TMC3: variants seen among roughly 807,000 people sequenced by gnomAD.
TMC3 encodes the protein transmembrane channel-like protein 3.
Under a neutral mutation model 110.6 loss-of-function variants are expected in TMC3, and 98 were observed. The ratio of observed to expected loss-of-function variants is 0.89; its 90% CI spans 0.75 to 1.05. The LOEUF (loss-of-function observed/expected upper bound fraction) is 1.05. TMC3 is among the 50% of genes least tolerant of loss of function. TMC3 has a pLI of 0.00. For synonymous variants in TMC3, 489 were observed against 513.1 expected (o/e 0.95, Z 0.63); for missense variants, 1,319 against 1,373.2 (o/e 0.96, Z 0.62).
intron 17 of TMC3, 126 bp downstream of exon 17, chr15:81,339,268 A>G (rs1209256418): frequency 2.8e-6 from 2 of 722,340 alleles, no homozygotes; most frequent in East Asian, 2.7e-5. Flanking sequence ...GATTTAAAAC[A>G]TGCGGGTTTG....
intron 3 of TMC3, among the ~76,000 whole-genome samples, chr15:81,367,796 C>G (rs1894347302): frequency 6.6e-6 from 1 of 152,196 alleles, no homozygotes; most frequent in South Asian, 2.1e-4. Flanking sequence ...TACTTTTCAA[C>G]TCTATCATCC....
At chr15:81,366,447 G>A (rs537195842) in intron 3 of TMC3, among the ~76,000 whole-genome samples, 3 of 152,328 alleles carry the variant, frequency 2.0e-5, no homozygotes, top group Admixed American at 2.0e-4. Flanking sequence ...TTACCTTACT[G>A]AGTGTAAAAA....
chr15:81,353,864 C>T (rs1894003173), intron 9 of TMC3, among the ~76,000 whole-genome samples: 1 of 152,202 alleles, frequency 6.6e-6, no homozygotes, highest in African/African-American at 2.4e-5. Context: ...ATGCTGTTAT[C>T]TTCAGCTCTT....
rs59272742 is a variant in TMC3 at position 81,349,959 on chromosome 15, C to CAA, written c.1084-394_1084-393dup. On this transcript the variant is annotated intron_variant, in intron 10 of 21. Transcript: ENST00000359440. ...GCAACACAGCAAGACCCCATCTCTACAAAAAAAAAAAAAAAGCTGGCATAT... is the reference window on the plus strand; with the variant it reads ...GCAACACAGCAAGACCCCATCTCTACAAAAAAAAAAAAAAAAAGCTGGCATAT... 3.3e-3 allele frequency among the ~76,000 whole-genome samples: 355 copies of CAA among 107,796 alleles called. 3 individuals carry two copies. The highest frequency in any genetic ancestry group is 5.1e-3 in the Non-Finnish European group (259 of 50,300). The allele number at this position is 107,796 out of a possible 152,430, so 70.7% of individuals were successfully genotyped here.
chr15:81,336,540 C>G (rs1199396756), intron 20 of TMC3, 69 bp downstream of exon 20: 3 of 1,506,904 alleles, frequency 2.0e-6, no homozygotes, highest in African/African-American at 2.7e-5. Context: ...TGCACTCCAG[C>G]CTGGGCGACA....
intron 3 of TMC3, among the ~76,000 whole-genome samples, chr15:81,364,174 C>T (rs1894253675): frequency 6.6e-6 from 1 of 152,214 alleles, no homozygotes; most frequent in East Asian, 1.9e-4. Flanking sequence ...ATCTCCCCCA[C>T]CACCCCATCA....
At position 81,346,394 on chromosome 15, in the gene TMC3, G is replaced by T. The variant is rs1189762686; in HGVS notation, c.1243C>A (p.Leu415Met). Residue 415 changes from leucine to methionine, a missense_variant, in exon 12 of 22, where the codon CTG becomes ATG. Transcript: ENST00000359440. ...ATGCTCATGCTGTTAACTTTGTCCA[G>T]GAGAGCAATGATCAGGCTGTAGAGA... Reference protein sequence around the residue: ...GNLYSLIIALLDKVNSMSIEE... With the variant: ...GNLYSLIIALMDKVNSMSIEE... 3 of 1,613,810 alleles carry T rather than the reference G, an allele frequency of 1.9e-6. No individual in the cohort carries two copies. Among genetic ancestry groups the T allele is most frequent in the Non-Finnish European group, 2.5e-6 (3 of 1,179,834 alleles).
chr15:81,342,048 G>A (rs1433857225), intron 15 of TMC3, among the ~76,000 whole-genome samples: 1 of 152,198 alleles, frequency 6.6e-6, no homozygotes, highest in Non-Finnish European at 1.5e-5. Context: ...CCAAAGACAT[G>A]TTGCTAAGGC....
intron 21 of TMC3, among the ~76,000 whole-genome samples, chr15:81,333,688 T>C (rs1215294255): frequency 6.6e-6 from 1 of 152,250 alleles, no homozygotes; most frequent in East Asian, 1.9e-4. Context: ...GAGTTGTACA[T>C]ATTAAACAGT....
intron 16 of TMC3, 128 bp downstream of exon 16, chr15:81,341,262 G>T: frequency 2.0e-6 from 2 of 997,662 alleles, no homozygotes. Flanking sequence ...AAAATTGGAG[G>T]ACAGGCAAGA....
intron 4 of TMC3, among the ~76,000 whole-genome samples, chr15:81,360,157 A>G (rs1043911804): frequency 6.6e-6 from 1 of 152,176 alleles, no homozygotes; most frequent in Non-Finnish European, 1.5e-5. Context: ...GTTTGTCATA[A>G]TGAGTAGCAA....
chr15:81,332,827 G>T lies in TMC3; in HGVS notation c.2895C>A (p.Asp965Glu), dbSNP rs570513707. The T allele has an allele frequency of 1.2e-6, 2 of 1,613,024 alleles. No homozygotes were observed. Among genetic ancestry groups the T allele is most frequent in the Admixed American group, 3.3e-5 (2 of 59,948 alleles). Residue 965 changes from aspartate (D) to glutamate (E), a missense_variant, in exon 22 of 22, where the codon GAC (aspartate) becomes GAA (glutamate). Transcript: ENST00000359440. ...KRSLPPRSLIDLRRAPHFYIG... is the reference protein window; with the variant it reads ...KRSLPPRSLIELRRAPHFYIG... ...TATAAAAATGAGGAGCCCGACGGAG[G>T]TCTATCAGGGAGCGTGGGGGAAGAG...
At position 81,333,250 on chromosome 15, in the gene TMC3, A is replaced by G. The variant is rs987624495; in HGVS notation, c.2472T>C (p.Gly824=). 1 of 1,609,466 alleles carries G rather than the reference A, an allele frequency of 6.2e-7. No individual in the cohort carries two copies. The highest frequency in any genetic ancestry group is 1.3e-5 in the African/African-American group (1 of 74,890). The stretch of plus-strand genomic sequence containing the variant: ...GAAGGTCACTGGTGCTTGCACACAG[A>G]CCGTGCAGATACCTGTAAGACAGGG... ...LEHETNRYLH[G]LCASTSDLHR... The change falls in exon 22 of 22, where the codon GGT becomes GGC. Residue 824 remains glycine (G), a synonymous_variant. Coordinates refer to ENST00000359440, the MANE Select transcript of TMC3 (RefSeq NM_001080532.3).
At chr15:81,353,751 G>C (rs1894001184) in intron 9 of TMC3, among the ~76,000 whole-genome samples, 1 of 152,296 alleles carries the variant, frequency 6.6e-6, no homozygotes, top group African/African-American at 2.4e-5. Flanking sequence ...CACATTTCTT[G>C]GAATGTGATC....
At chr15:81,371,344 C>G (rs1241885228) in intron 2 of TMC3, among the ~76,000 whole-genome samples, 1 of 152,158 alleles carries the variant, frequency 6.6e-6, no homozygotes, top group Non-Finnish European at 1.5e-5. Flanking sequence ...AAGAACATTA[C>G]CTGGAATGCA....
At chr15:81,339,272 G>A (rs1168432020) in intron 17 of TMC3, 122 bp downstream of exon 17, 13 of 736,716 alleles carry the variant, frequency 1.8e-5, no homozygotes, top group African/African-American at 5.3e-5. Context: ...TAAAACATGC[G>A]GGTTTGCAAT....
intron 5 of TMC3, among the ~76,000 whole-genome samples, chr15:81,358,838 G>A (rs1477252764): frequency 6.6e-6 from 1 of 152,124 alleles, no homozygotes; most frequent in Non-Finnish European, 1.5e-5. Flanking sequence ...TAAGGGGCAC[G>A]AGTGCGGTTT....
rs770004085 is a variant in TMC3, at chr15:81,358,443, C to A, written c.559G>T (p.Val187Phe). Reference protein sequence around the residue: ...TARKTIPKEQVSSAQDLDTVW... With the variant: ...TARKTIPKEQFSSAQDLDTVW... ...GTGTCCAGGTCTTGGGCAGACGAAA[C>A]CTGCTCCTTGGGGATGGTCTTCCTG... is the stretch of plus-strand genomic sequence containing the variant. The change falls in exon 6 of 22, where the codon GTT (valine) becomes TTT (phenylalanine). Residue 187 changes from valine to phenylalanine, a missense_variant. Transcript: ENST00000359440. 6.2e-7 allele frequency: 1 copy of A among 1,613,924 alleles called. No individual in the cohort carries two copies. Among genetic ancestry groups the A allele is most frequent in the Non-Finnish European group, 8.5e-7 (1 of 1,179,834 alleles).
chr15:81,332,739 A>G lies in TMC3; in HGVS notation c.2983T>C (p.Ser995Pro). The G allele has an allele frequency of 1.2e-6, 2 of 1,613,378 alleles. No homozygotes were observed. Among genetic ancestry groups the G allele is most frequent in the Non-Finnish European group, 1.7e-6 (2 of 1,179,746 alleles). ...PEHQGRVHYK[S>P]WNEDFEGHLE... Reference sequence around the variant, plus strand: ...TGACCCTCAAAATCTTCATTCCACGACTTGTAGTGCACCCTCCCCTGGTGC... The same window carrying G: ...TGACCCTCAAAATCTTCATTCCACGGCTTGTAGTGCACCCTCCCCTGGTGC... Residue 995 changes from serine to proline, a missense_variant, in exon 22 of 22, where the codon TCG (serine) becomes CCG (proline). Transcript: ENST00000359440.
Sources: gnomAD v4.1 joint callset for allele counts (sites outside exome capture counted in the v4.1 genomes callset) on GRCh38, gnomAD v4.1.1 for gene constraint, MANE v1.5 for transcripts, NCBI Gene and HGNC (gene_info 2026-07-23, HGNC 2026-07-21) for gene names.